CWF19L2: variants seen among roughly 807,000 people sequenced by gnomAD.
CWF19L2 encodes CWF19-like protein 2.
In CWF19L2, 98 loss-of-function variants were observed where a neutral mutation model predicts 111.7. The ratio of observed to expected loss-of-function variants is 0.88; its 90% CI spans 0.75 to 1.04. The LOEUF (loss-of-function observed/expected upper bound fraction) is 1.04, where lower values mean the gene tolerates loss of function less well. Ranked by LOEUF, CWF19L2 falls within the 50% of genes least tolerant of loss-of-function variation. CWF19L2 has a pLI of 0.00. For missense variants in CWF19L2, 1,101 were observed against 1,051.4 expected (o/e 1.05, Z -0.65); for synonymous variants, 351 against 342.9 (o/e 1.02, Z -0.26).
chr11:107,453,838 G>A (rs1861814996), intron 3 of CWF19L2, among the ~76,000 whole-genome samples: 1 of 152,006 alleles, frequency 6.6e-6, no homozygotes, highest in African/African-American at 2.4e-5. Flanking sequence ...TGACTGAAGA[G>A]TTCTTGGGCC....
intron 12 of CWF19L2, among the ~76,000 whole-genome samples, chr11:107,378,619 G>T (rs1212598868): frequency 6.6e-6 from 1 of 152,152 alleles, no homozygotes; most frequent in East Asian, 1.9e-4. Context: ...GACTGTTGTG[G>T]GGTGGAGGGA....
At chr11:107,441,658 C>A (rs1861620969) in intron 4 of CWF19L2, 36 bp from the exon 5 acceptor site, 1 of 1,489,172 alleles carries the variant, frequency 6.7e-7, no homozygotes, top group Admixed American at 2.6e-5. Flanking sequence ...AACAGTCATC[C>A]ACTCATCATT....
At chr11:107,400,077 G>C (rs1374691025) in intron 10 of CWF19L2, among the ~76,000 whole-genome samples, 1 of 152,064 alleles carries the variant, frequency 6.6e-6, no homozygotes, top group Non-Finnish European at 1.5e-5. Flanking sequence ...GCAGTGCTAA[G>C]AGAAAAGTTC....
Position 107,403,517 on chromosome 11 carries a change from C to T in CWF19L2, c.1618-10622G>A. 3 of 824,740 alleles carry T rather than the reference C, an allele frequency of 3.6e-6. No homozygotes were observed. In the South Asian group the frequency reaches 4.0e-5, roughly 11 times the overall value. The allele number at this position is 824,740 out of a possible 1,614,324, so 51.1% of individuals were successfully genotyped here. On this transcript the variant is annotated intron_variant, in intron 10 of 17. Coordinates refer to ENST00000282251, the MANE Select transcript of CWF19L2 (RefSeq NM_152434.3). The stretch of plus-strand genomic sequence containing the variant: ...TCCTTCCTCTGCCATACTGTCAACC[C>T]CCTCCTGCCCATTCTCCTTGTCCTC...
chr11:107,338,897 A>G (rs372020786), intron 14 of CWF19L2, among the ~76,000 whole-genome samples: 21 of 152,318 alleles, frequency 1.4e-4, no homozygotes, highest in East Asian at 1.4e-3. Flanking sequence ...ATGTATCTTT[A>G]TAACAGAATG....
chr11:107,444,813 C>T (rs1290183409), intron 3 of CWF19L2, among the ~76,000 whole-genome samples: 1 of 152,166 alleles, frequency 6.6e-6, no homozygotes, highest in African/African-American at 2.4e-5. Flanking sequence ...GATGATGTTA[C>T]CTCACATATT....
chr11:107,381,283 G>A (rs192830925), intron 12 of CWF19L2, among the ~76,000 whole-genome samples: 18 of 152,172 alleles, frequency 1.2e-4, no homozygotes, highest in East Asian at 3.9e-4. Context: ...GGACCTGAAC[G>A]AAAAAACATT....
Position 107,417,028 on chromosome 11 carries a change from A to T in CWF19L2, c.1528-730T>A, listed in dbSNP as rs544286486. The stretch of plus-strand genomic sequence containing the variant: ...GAAGTTCAGTGTTTCCAAGGATCAG[A>T]TTCAAAGAGATAGAGCAGCATATGC... On this transcript the variant is annotated intron_variant, in intron 9 of 17. Coordinates refer to ENST00000282251, the MANE Select transcript of CWF19L2 (RefSeq NM_152434.3). 2.6e-5 allele frequency among the ~76,000 whole-genome samples: 4 copies of T among 152,314 alleles called. No homozygotes were observed. In the East Asian group the frequency reaches 7.7e-4, roughly 29 times the overall value.
intron 3 of CWF19L2, among the ~76,000 whole-genome samples, chr11:107,448,330 C>T (rs1279476340): frequency 2.6e-5 from 3 of 113,546 alleles, no homozygotes; most frequent in Admixed American, 2.6e-4. Flanking sequence ...GGCAACAGAG[C>T]GAGACTCCGT....
Position 107,442,935 on chromosome 11 carries a change from T to C in CWF19L2, c.450+4A>G, listed in dbSNP as rs1198555585. 6.6e-7 allele frequency: 1 copy of C among 1,525,816 alleles called. No individual in the cohort carries two copies. The highest frequency in any genetic ancestry group is 2.0e-5 in the Admixed American group (1 of 50,964). The allele number at this position is 1,525,816 out of a possible 1,614,324, so 94.5% of individuals were successfully genotyped here. On this transcript the variant is annotated splice_donor_region_variant and intron_variant, in intron 4 of 17. Transcript: ENST00000282251. ...AAGGAAGGAAAATCAAGTGGCTTGC[T>C]TACCTTGATAATTTGGGTGTCATCT... is the stretch of plus-strand genomic sequence containing the variant.
intron 5 of CWF19L2, among the ~76,000 whole-genome samples, chr11:107,441,240 T>C (rs1861614996): frequency 6.6e-6 from 1 of 152,220 alleles, no homozygotes; most frequent in Admixed American, 6.5e-5. Flanking sequence ...GTGAGTTCAC[T>C]TTCAATTTAA....
intron 12 of CWF19L2, among the ~76,000 whole-genome samples, chr11:107,375,974 T>A (rs1367077517): frequency 9.9e-6 from 1 of 101,362 alleles, no homozygotes; most frequent in Non-Finnish European, 1.9e-5. Flanking sequence ...CATCAGAGAA[T>A]ACTACAAACA....
At chr11:107,403,869 TCTC>T in intron 10 of CWF19L2, 1 of 794,668 alleles carries the variant, frequency 1.3e-6, no homozygotes, top group Non-Finnish European at 2.2e-6. Context: ...AATTTCCTCT[TCTC>T]CTCCTGTATT....
intron 11 of CWF19L2, among the ~76,000 whole-genome samples, chr11:107,391,562 A>C (rs1163584022): frequency 6.6e-6 from 1 of 152,228 alleles, no homozygotes; most frequent in Non-Finnish European, 1.5e-5. Context: ...AGCAAAGCTG[A>C]TATTCTGGTC....
chr11:107,354,378 G>A (rs1167495390), intron 12 of CWF19L2, among the ~76,000 whole-genome samples: 1 of 152,112 alleles, frequency 6.6e-6, no homozygotes, highest in East Asian at 1.9e-4. Context: ...TATCTCCTGT[G>A]TGTATAACCT....
intron 8 of CWF19L2, among the ~76,000 whole-genome samples, chr11:107,428,112 T>C (rs543729456): frequency 2.6e-5 from 4 of 152,282 alleles, no homozygotes; most frequent in Admixed American, 2.0e-4. Context: ...CTTTTTTTTC[T>C]GGCTATCTCC....
rs150946177 is a variant in CWF19L2, at chr11:107,429,382, G to A, written c.850C>T (p.Arg284Trp). 3.2e-4 allele frequency: 505 copies of A among 1,587,012 alleles called. 2 individuals are homozygous for A. The highest frequency in any genetic ancestry group is 2.1e-3 in the East Asian group (93 of 44,364). ...KAASTKEDYR[R>W]ERWRKPTYSD... ...TATGTGGGTTTCCTCCACCGTTCCC[G>A]TCTATAATCTTCTTTCGTGGATGCA... The change falls in exon 8 of 18, where the codon CGG becomes TGG. Residue 284 changes from arginine to tryptophan, a missense_variant. Physicochemically the swap from Arg to Trp is moderately radical, Grantham distance 101. Coordinates refer to ENST00000282251, the MANE Select transcript of CWF19L2 (RefSeq NM_152434.3).
rs368804741 is a variant in CWF19L2, at chr11:107,373,990, T to C, written c.1872+16084A>G. On this transcript the variant is annotated intron_variant, in intron 12 of 17. Transcript: ENST00000282251. ...TGAAGAATGCAGAAGCCTCAGGAGC[T>C]GATGCGATCAACTGGAAGAAAGGGT... Among the ~76,000 whole-genome samples, 16 of 136,564 alleles carry C rather than the reference T, an allele frequency of 1.2e-4. 3 individuals are homozygous for C. The highest frequency in any genetic ancestry group is 7.5e-4 in the South Asian group (3 of 3,994). The allele number at this position is 136,564 out of a possible 152,430, so 89.6% of individuals were successfully genotyped here. A position where few individuals can be genotyped will look rare whatever the true frequency, so the allele number is the denominator to read the frequency against.
chr11:107,393,465 A>T (rs1416822816), intron 10 of CWF19L2, among the ~76,000 whole-genome samples: 1 of 152,220 alleles, frequency 6.6e-6, no homozygotes, highest in Non-Finnish European at 1.5e-5. Flanking sequence ...ACAGAATAAG[A>T]GTAAACTTTA....
Sources: allele counts gnomAD v4.1 joint callset (sites outside exome capture counted in the v4.1 genomes callset), GRCh38; gene constraint gnomAD v4.1.1; transcripts MANE v1.5; gene names NCBI Gene and HGNC (gene_info 2026-07-23, HGNC 2026-07-21).